GRM8: variants seen among roughly 807,000 people sequenced by gnomAD.
GRM8 encodes metabotropic glutamate receptor 8.
In GRM8, 47 loss-of-function variants were observed where a neutral mutation model predicts 87.2. The observed-to-expected ratio is 0.54, with a 90% CI of 0.43 to 0.69. The LOEUF is 0.69. Among genes scored for constraint, GRM8 ranks in the 30% least tolerant of loss-of-function variants. GRM8 has a pLI of 0.00. For missense variants in GRM8, 1,019 were observed against 1,139.2 expected (o/e 0.89, Z 1.52); for synonymous variants, 396 against 404.5 (o/e 0.98, Z 0.25).
intron 6 of GRM8, among the ~76,000 whole-genome samples, chr7:126,785,194 G>C (rs1357709406): frequency 6.6e-6 from 1 of 152,114 alleles, no homozygotes; most frequent in Non-Finnish European, 1.5e-5. Context: ...GGCTTAATGT[G>C]TCATTTTCTA....
chr7:126,705,121 G>T (rs144019099), intron 7 of GRM8, among the ~76,000 whole-genome samples: 1 of 151,976 alleles, frequency 6.6e-6, no homozygotes, highest in African/African-American at 2.4e-5. Context: ...CAATCCGGCC[G>T]ATGCTTAGGG....
intron 9 of GRM8, among the ~76,000 whole-genome samples, chr7:126,466,712 A>G (rs62479309): frequency 0.13 from 19,791 of 151,856 alleles, 1,434 homozygotes; most frequent in African/African-American, 0.19. Flanking sequence ...AGAGAGACGG[A>G]ATTTTCCCTT....
At chr7:126,737,246 C>G (rs1814339090) in intron 7 of GRM8, among the ~76,000 whole-genome samples, 1 of 152,012 alleles carries the variant, frequency 6.6e-6, no homozygotes, top group African/African-American at 2.4e-5. Context: ...GATAGATCAG[C>G]TGGCACCACC....
chr7:126,538,101 T>C (rs182302252), intron 8 of GRM8, among the ~76,000 whole-genome samples: 32 of 152,310 alleles, frequency 2.1e-4, no homozygotes, highest in African/African-American at 7.5e-4. Context: ...TGTTTACCAA[T>C]AGTGATTTAT....
intron 3 of GRM8, among the ~76,000 whole-genome samples, chr7:126,913,271 C>T (rs1266009910): frequency 6.6e-6 from 1 of 152,144 alleles, no homozygotes; most frequent in African/African-American, 2.4e-5. Flanking sequence ...CAATTTCCAT[C>T]AAATTAAATT....
chr7:126,804,165 G>A (rs528356780), intron 6 of GRM8, among the ~76,000 whole-genome samples: 1 of 152,300 alleles, frequency 6.6e-6, no homozygotes, highest in South Asian at 2.1e-4. Context: ...TCTTATCAAT[G>A]TTGTATTCCA....
chr7:126,706,842 A>G (rs1810577140), intron 7 of GRM8, among the ~76,000 whole-genome samples: 1 of 152,146 alleles, frequency 6.6e-6, no homozygotes, highest in Admixed American at 6.6e-5. Flanking sequence ...GTTATTTTCA[A>G]TGGTCCTCCT....
chr7:126,513,161 A>G (rs1811652513), intron 9 of GRM8, among the ~76,000 whole-genome samples: 1 of 152,152 alleles, frequency 6.6e-6, no homozygotes, highest in Admixed American at 6.6e-5. Flanking sequence ...GTTGTACCAA[A>G]GTCTGTCAAT....
At chr7:127,251,945 G>A (rs1401364100) in intron 1 of GRM8, among the ~76,000 whole-genome samples, 5 of 152,000 alleles carry the variant, frequency 3.3e-5, no homozygotes, top group African/African-American at 1.2e-4. Flanking sequence ...CAGAGCGTGC[G>A]CCGTGCGGGG....
intron 7 of GRM8, among the ~76,000 whole-genome samples, chr7:126,657,423 C>A (rs558920329): frequency 8.9e-4 from 136 of 152,170 alleles, no homozygotes; most frequent in Admixed American, 4.6e-3. Context: ...CAACCCCCCC[C>A]CAAAAAAGTC....
chr7:126,515,007 A>T (rs981540740), intron 9 of GRM8, among the ~76,000 whole-genome samples: 13 of 152,042 alleles, frequency 8.6e-5, no homozygotes, highest in African/African-American at 3.1e-4. Flanking sequence ...TGTTTCTTTA[A>T]AATTATTATA....
At chr7:126,840,126 G>C (rs1448010061) in intron 6 of GRM8, among the ~76,000 whole-genome samples, 1 of 152,126 alleles carries the variant, frequency 6.6e-6, no homozygotes, top group Non-Finnish European at 1.5e-5. Flanking sequence ...ATTCAAGCCT[G>C]ATAGGTAATT....
At chr7:126,953,269 A>G (rs577282094) in intron 3 of GRM8, among the ~76,000 whole-genome samples, 13 of 152,290 alleles carry the variant, frequency 8.5e-5, no homozygotes, top group African/African-American at 3.1e-4. Context: ...TTGGATACTT[A>G]TGATGACTTA....
chr7:127,063,252 A>AAAACAAAC lies in GRM8; in HGVS notation c.727+43236_727+43243dup, dbSNP rs3039782. On this transcript the variant is annotated intron_variant, in intron 3 of 10. Transcript: ENST00000339582. ...CGGATGACAGAGTGAGACTCCATCA[A>AAAACAAAC]AAACAAACAAACAAACAAACAAAAA... Among the ~76,000 whole-genome samples, 915 of 149,948 alleles carry AAAACAAAC rather than the reference A, an allele frequency of 6.1e-3. 12 individuals are homozygous for AAAACAAAC. Among genetic ancestry groups the AAAACAAAC allele is most frequent in the African/African-American group, 0.021 (853 of 40,626 alleles).
intron 3 of GRM8, among the ~76,000 whole-genome samples, chr7:127,036,797 A>G (rs1276604759): frequency 3.3e-5 from 5 of 152,152 alleles, no homozygotes; most frequent in Non-Finnish European, 7.3e-5. Context: ...GACTTTTCCC[A>G]GAGCAATTGT....
intron 3 of GRM8, among the ~76,000 whole-genome samples, chr7:127,073,315 T>C (rs963513709): frequency 1.3e-5 from 2 of 152,160 alleles, no homozygotes; most frequent in African/African-American, 4.8e-5. Context: ...GGTCCATGAC[T>C]GCAAAGGGGG....
chr7:126,957,817 G>T (rs1463566106), intron 3 of GRM8, among the ~76,000 whole-genome samples: 1 of 152,200 alleles, frequency 6.6e-6, no homozygotes, highest in Non-Finnish European at 1.5e-5. Context: ...AGAAAGGGGT[G>T]GATCCTCGCC....
chr7:127,169,811 C>A (rs1457676081), intron 2 of GRM8, among the ~76,000 whole-genome samples: 2 of 152,244 alleles, frequency 1.3e-5, no homozygotes, highest in South Asian at 2.1e-4. Flanking sequence ...AAAGTCTGAA[C>A]AACAGAACAT....
intron 3 of GRM8, among the ~76,000 whole-genome samples, chr7:126,979,928 A>G (rs538792489): frequency 1.3e-5 from 2 of 152,340 alleles, no homozygotes; most frequent in African/African-American, 4.8e-5. Flanking sequence ...TGAAGTCATT[A>G]TACACATCTG....
Sources: gnomAD v4.1 joint callset for allele counts (sites outside exome capture counted in the v4.1 genomes callset) on GRCh38, gnomAD v4.1.1 for gene constraint, MANE v1.5 for transcripts, NCBI Gene and HGNC (gene_info 2026-07-23, HGNC 2026-07-21) for gene names.